CSF3R: variants seen among roughly 807,000 people sequenced by gnomAD.
CSF3R encodes colony stimulating factor 3 receptor, also known as granulocyte colony-stimulating factor receptor.
A neutral mutation model predicts 84.4 loss-of-function variants in CSF3R; 52 were observed. The ratio of observed to expected loss-of-function variants is 0.62; its 90% CI spans 0.49 to 0.78. The LOEUF is 0.78. CSF3R is among the 30% of genes least tolerant of loss of function. CSF3R has a pLI of 0.00. For missense variants in CSF3R, 890 were observed against 1,055.7 expected, an observed-to-expected ratio of 0.84 and a Z score of 2.17; for synonymous variants, 384 against 429.1, an observed-to-expected ratio of 0.89 and a Z score of 1.30.
At chr1:36,479,667 A>G (rs1444758299) in intron 2 of CSF3R, 151 bp from the exon 3 acceptor site, 3 of 699,260 alleles carry the variant, frequency 4.3e-6, no homozygotes, top group African/African-American at 3.5e-5. Context: ...CCTATACTGC[A>G]TGGGACTTTG....
chr1:36,473,848 T>C lies in CSF3R; in HGVS notation c.401A>G (p.Asn134Ser), dbSNP rs1650947311. The change falls in exon 5 of 17, where the codon AAC becomes AGC. Residue 134 changes from asparagine to serine, a missense_variant. Coordinates refer to ENST00000373106, the MANE Select transcript of CSF3R (RefSeq NM_000760.4). Reference protein sequence around the residue: ...AIPHNLSCLMNLTTSSLICQW... With the variant: ...AIPHNLSCLMSLTTSSLICQW... The stretch of plus-strand genomic sequence containing the variant: ...GCAGATGAGGCTGCTGGTTGTGAGG[T>C]TCATGAGGCAGGAGAGGTTGTGGGG... 1 of 1,614,048 alleles carries C rather than the reference T, an allele frequency of 6.2e-7. No individual in the cohort carries two copies. Among genetic ancestry groups the C allele is most frequent in the African/African-American group, 1.3e-5 (1 of 74,986 alleles).
Position 36,471,523 on chromosome 1 carries a change from G to C in CSF3R, c.1195C>G (p.Leu399Val). ...NTTELSCTFH[L>V]PSEAQEVALV... ...GCCACCTCCTGGGCTTCTGAAGGCAGGTGGAAGGTGCAGCTGAGCTCTGTG... is the reference window on the plus strand; with the variant it reads ...GCCACCTCCTGGGCTTCTGAAGGCACGTGGAAGGTGCAGCTGAGCTCTGTG... The change falls in exon 10 of 17, where the codon CTG (leucine) becomes GTG (valine). Residue 399 changes from leucine (L) to valine (V), a missense_variant. Transcript: ENST00000373106. 1 of 1,614,284 alleles carries C rather than the reference G, an allele frequency of 6.2e-7. No homozygotes were observed. Among genetic ancestry groups the C allele is most frequent in the Middle Eastern group, 1.6e-4 (1 of 6,062 alleles).
chr1:36,473,255 G>A, intron 6 of CSF3R, 180 bp downstream of exon 6: 2 of 661,440 alleles, frequency 3.0e-6, no homozygotes, highest in Non-Finnish European at 5.1e-6. Context: ...CCTGTCTCTG[G>A]GTCTGTGTCC....
At position 36,473,463 on chromosome 1, in the gene CSF3R, T is replaced by G. The variant is rs1277653804; in HGVS notation, c.645A>C (p.Pro215=). Residue 215 remains proline, a synonymous_variant, in exon 6 of 17, where the codon CCA becomes CCC. Transcript: ENST00000373106. ...AENALGTSMS[P]QLCLDPMDVV... The stretch of plus-strand genomic sequence containing the variant: ...CATCCATGGGATCAAGACACAGTTG[T>G]GGGGACATGCTGGTCCCCAGCGCAT... 1 of 1,613,964 alleles carries G rather than the reference T, an allele frequency of 6.2e-7. No individual in the cohort carries two copies. The highest frequency in any genetic ancestry group is 2.2e-5 in the East Asian group (1 of 44,902).
Position 36,467,169 on chromosome 1 carries a change from C to G in CSF3R, c.2040+61G>C, listed in dbSNP as rs1650376586. On this transcript the variant is annotated intron_variant, in intron 16 of 16. Coordinates refer to ENST00000373106, the MANE Select transcript of CSF3R (RefSeq NM_000760.4). This position sits in a 1 kb window ranked among gnomAD's most constrained non-coding sequence, Gnocchi z 4.1. ...CTGAGTACTTGGCTTCAGAAGGTGTCCCTTCACTGAGCCTGGGCCGACATC... is the reference window on the plus strand; with the variant it reads ...CTGAGTACTTGGCTTCAGAAGGTGTGCCTTCACTGAGCCTGGGCCGACATC... 3.2e-6 allele frequency: 5 copies of G among 1,554,588 alleles called. No individual in the cohort carries two copies. In the South Asian group the frequency reaches 5.6e-5, roughly 17 times the overall value.
chr1:36,467,463 TG>T lies in CSF3R; in HGVS notation c.1958+94del. On this transcript the variant is annotated intron_variant, in intron 15 of 16. Coordinates refer to ENST00000373106, the MANE Select transcript of CSF3R (RefSeq NM_000760.4). The surrounding 1 kb of genome is among the most constrained non-coding windows in gnomAD (Gnocchi z 4.1). ...ACTCTCAGACATGGGCCCCAAAGTT[TG>T]GGAAGGCTGGAAGGGACTTAGATGG... The T allele has an allele frequency of 1.4e-6, 2 of 1,452,484 alleles. No individual in the cohort carries two copies. The highest frequency in any genetic ancestry group is 1.9e-6 in the Non-Finnish European group (2 of 1,035,412). 90.0% of individuals were successfully genotyped at this position (1,452,484 alleles called of 1,614,324 possible).
At chr1:36,470,729 G>A (rs2124115350) in intron 10 of CSF3R, among the ~76,000 whole-genome samples, 2 of 152,330 alleles carry the variant, frequency 1.3e-5, no homozygotes, top group East Asian at 3.9e-4. Context: ...CTGAGAATGA[G>A]CAATGAACTC....
At chr1:36,473,934 A>G (rs763358465) in intron 4 of CSF3R, 47 bp from the exon 5 acceptor site, 2 of 1,612,774 alleles carry the variant, frequency 1.2e-6, no homozygotes, top group South Asian at 2.2e-5. Context: ...GGGACCACTC[A>G]GAAAGCTTCC....
Position 36,469,849 on chromosome 1 carries a change from A to G in CSF3R, c.1286-9T>C, listed in dbSNP as rs1344078892. The G allele has an allele frequency of 6.2e-7, 1 of 1,613,746 alleles. No homozygotes were observed. The highest frequency in any genetic ancestry group is 1.7e-5 in the Admixed American group (1 of 60,018). Reference sequence around the variant, plus strand: ...TCTGGTCAGAGCTGGGCCTGGAGACAGGGTGGGAAATGGTGGAATGAAGGT... The same window carrying G: ...TCTGGTCAGAGCTGGGCCTGGAGACGGGGTGGGAAATGGTGGAATGAAGGT... On this transcript the variant is annotated splice_polypyrimidine_tract_variant and intron_variant, in intron 10 of 16. Transcript: ENST00000373106.
In CSF3R at chr1:36,472,441, A is replaced by G. The variant is rs750414719; in HGVS notation, c.844-50T>C. 4 of 1,613,724 alleles carry G rather than the reference A, an allele frequency of 2.5e-6. No individual in the cohort carries two copies. The Admixed American group carries it at 5.0e-5, about 20-fold the overall frequency. On this transcript the variant is annotated intron_variant, in intron 7 of 16. Coordinates refer to ENST00000373106, the MANE Select transcript of CSF3R (RefSeq NM_000760.4). This position sits in a 1 kb window ranked among gnomAD's most constrained non-coding sequence, Gnocchi z 5.0. ...GAGCCTTGGATCGCTGGGCCATTCTAGGGCCAGCTCGAGCCCGACTTACCC... is the reference window on the plus strand; with the variant it reads ...GAGCCTTGGATCGCTGGGCCATTCTGGGGCCAGCTCGAGCCCGACTTACCC...
Position 36,469,241 on chromosome 1 carries a change from A to G in CSF3R, c.1491T>C (p.Phe497=), listed in dbSNP as rs1449309730. Residue 497 remains phenylalanine, a synonymous_variant, in exon 12 of 17, where the codon TTT becomes TTC. Transcript: ENST00000373106. ...GAGTCACGATGATCTCATAGAGCTGAAAGGGCCTGATGTTCTCTGTAGAGA... is the reference window on the plus strand; with the variant it reads ...GAGTCACGATGATCTCATAGAGCTGGAAGGGCCTGATGTTCTCTGTAGAGA... The part of the protein sequence containing the change: ...GFLLKENIRP[F]QLYEIIVTPL... The G allele has an allele frequency of 1.2e-6, 2 of 1,613,900 alleles. No homozygotes were observed. The highest frequency in any genetic ancestry group is 2.2e-5 in the South Asian group (2 of 91,066).
Position 36,467,474 on chromosome 1 carries a change from G to T in CSF3R, c.1958+84C>A. 6.8e-7 allele frequency: 1 copy of T among 1,470,568 alleles called. No individual in the cohort carries two copies. The highest frequency in any genetic ancestry group is 9.5e-7 in the Non-Finnish European group (1 of 1,051,886). The allele number at this position is 1,470,568 out of a possible 1,614,324, so 91.1% of individuals were successfully genotyped here. ...TGGGCCCCAAAGTTTGGGAAGGCTG[G>T]AAGGGACTTAGATGGGCCCATCTGG... On this transcript the variant is annotated intron_variant, in intron 15 of 16. Transcript: ENST00000373106. This position sits in a 1 kb window ranked among gnomAD's most constrained non-coding sequence, Gnocchi z 4.1.
intron 10 of CSF3R, among the ~76,000 whole-genome samples, chr1:36,470,155 A>G (rs1650619200): frequency 6.6e-6 from 1 of 152,134 alleles, no homozygotes; most frequent in African/African-American, 2.4e-5. Context: ...AGTCCTTGAT[A>G]TATTTTATTT....
chr1:36,479,120 G>C (rs1651359578), intron 3 of CSF3R: 7 of 438,144 alleles, frequency 1.6e-5, no homozygotes, highest in South Asian at 1.2e-4. Flanking sequence ...TGATCCCTTT[G>C]CTGCCCACCA....
intron 6 of CSF3R, 167 bp downstream of exon 6, chr1:36,473,268 A>G: frequency 1.4e-6 from 1 of 717,334 alleles, no homozygotes; most frequent in Admixed American, 2.6e-5. Context: ...CTGTGTCCCC[A>G]TTTCTCTGTC....
rs1483194095 is a variant in CSF3R at position 36,473,788 on chromosome 1, G to A, written c.461C>T (p.Thr154Ile). 2.7e-5 allele frequency: 43 copies of A among 1,614,130 alleles called. No homozygotes were observed. Among genetic ancestry groups the A allele is most frequent in the Non-Finnish European group, 3.6e-5 (43 of 1,180,048 alleles). ...WEPGPETHLPTSFTLKSFKSR... is the reference protein window; with the variant it reads ...WEPGPETHLPISFTLKSFKSR... Reference sequence around the variant, plus strand: ...CTTGAAACTCTTCAGAGTGAAGCTGGTGGGTAGGTGGGTCTCAGGTCCTGG... The same window carrying A: ...CTTGAAACTCTTCAGAGTGAAGCTGATGGGTAGGTGGGTCTCAGGTCCTGG... The change falls in exon 5 of 17, where the codon ACC becomes ATC. Residue 154 changes from threonine (T) to isoleucine (I), a missense_variant. Transcript: ENST00000373106.
At chr1:36,477,810 G>A (rs887398751) in intron 3 of CSF3R, 20 of 152,072 alleles carry the variant, frequency 1.3e-4, no homozygotes, top group African/African-American at 4.3e-4. Context: ...CCAGGCTGGA[G>A]TGCAGTGGCG....
Position 36,471,514 on chromosome 1 carries a change from C to G in CSF3R, c.1204G>C (p.Glu402Gln). The G allele has an allele frequency of 6.2e-7, 1 of 1,614,252 alleles. No individual in the cohort carries two copies. Among genetic ancestry groups the G allele is most frequent in the Non-Finnish European group, 8.5e-7 (1 of 1,180,046 alleles). The change falls in exon 10 of 17, where the codon GAA becomes CAA. Residue 402 changes from glutamate to glutamine, a missense_variant. By Grantham distance (29) the Glu-to-Gln change is conservative. Transcript: ENST00000373106. ...ELSCTFHLPS[E>Q]AQEVALVAYN... ...GCCACAAGGGCCACCTCCTGGGCTT[C>G]TGAAGGCAGGTGGAAGGTGCAGCTG...
In CSF3R at chr1:36,467,923, T is replaced by G; in HGVS notation, c.1763A>C (p.His588Pro). The G allele has an allele frequency of 1.2e-6, 2 of 1,614,140 alleles. No individual in the cohort carries two copies. The highest frequency in any genetic ancestry group is 1.7e-6 in the Non-Finnish European group (2 of 1,180,030). Reference sequence around the variant, plus strand: ...ATACAGACTGGCGGGCTCCAGGCCATGGAGGACAAAGCCACGGGAGGAGGC... The same window carrying G: ...ATACAGACTGGCGGGCTCCAGGCCAGGGAGGACAAAGCCACGGGAGGAGGC... ...LNASSRGFVLHGLEPASLYHI... is the reference protein window; with the variant it reads ...LNASSRGFVLPGLEPASLYHI... The change falls in exon 14 of 17, where the codon CAT becomes CCT. Residue 588 changes from histidine (H) to proline (P), a missense_variant. His to Pro is a moderately conservative substitution (Grantham distance 77). Transcript: ENST00000373106. This position sits in a 1 kb window ranked among gnomAD's most constrained non-coding sequence, Gnocchi z 4.1.
Sources: allele counts gnomAD v4.1 joint callset (sites outside exome capture counted in the v4.1 genomes callset), GRCh38; gene constraint gnomAD v4.1.1; non-coding constraint Gnocchi (gnomAD v3.1); transcripts MANE v1.5; gene names NCBI Gene and HGNC (gene_info 2026-07-23, HGNC 2026-07-21).